PCCA: variants seen among roughly 807,000 people sequenced by gnomAD.
The protein encoded by PCCA is propionyl-CoA carboxylase alpha chain, mitochondrial.
PCCA carries 74 observed loss-of-function variants against 101.3 expected under a neutral mutation model. The observed-to-expected ratio is 0.73, with a 90% CI of 0.61 to 0.89. The LOEUF (loss-of-function observed/expected upper bound fraction) is 0.89. PCCA is among the 40% of genes least tolerant of loss of function. PCCA has a pLI of 0.00. For synonymous variants in PCCA, 294 were observed against 313.6 expected, an observed-to-expected ratio of 0.94 and a Z score of 0.66; for missense variants, 891 against 907.0, an observed-to-expected ratio of 0.98 and a Z score of 0.23.
chr13:100,470,752 G>A (rs764443334), intron 21 of PCCA, among the ~76,000 whole-genome samples: 2 of 152,150 alleles, frequency 1.3e-5, no homozygotes, highest in African/African-American at 2.4e-5. Context: ...CACTCTACTC[G>A]GGAGGCTGAG....
At chr13:100,184,195 G>A (rs1294141771) in intron 6 of PCCA, among the ~76,000 whole-genome samples, 4 of 152,114 alleles carry the variant, frequency 2.6e-5, no homozygotes, top group Non-Finnish European at 5.9e-5. Context: ...AACTATAGTA[G>A]TTATTGCTTC....
At position 100,491,829 on chromosome 13, in the gene PCCA, C is replaced by G. The variant is rs906438210; in HGVS notation, c.1900-23598C>G. The stretch of plus-strand genomic sequence containing the variant: ...TAAATATTTTGGTCCCTTTTTTTCT[C>G]TATTTTTTAAAATAAAAATATTTTA... On this transcript the variant is annotated intron_variant, in intron 21 of 23. Coordinates refer to ENST00000376285, the MANE Select transcript of PCCA (RefSeq NM_000282.4). 4 of 1,003,382 alleles carry G rather than the reference C, an allele frequency of 4.0e-6. No homozygotes were observed. In the African/African-American group the frequency reaches 6.9e-5, roughly 17 times the overall value. 62.2% of individuals were successfully genotyped at this position (1,003,382 alleles called of 1,614,324 possible).
chr13:100,242,805 T>C (rs2061223437), intron 8 of PCCA, among the ~76,000 whole-genome samples: 2 of 152,222 alleles, frequency 1.3e-5, no homozygotes, highest in Non-Finnish European at 2.9e-5. Flanking sequence ...TAAAATAGTA[T>C]AGGATTCTCT....
In PCCA at chr13:100,273,282, C is replaced by T; in HGVS notation, c.1001C>T (p.Thr334Ile). The part of the protein sequence containing the change: ...ARAVKYSSAG[T>I]VEFLVDSKKN... ...GCAGTAAAATATTCCTCTGCTGGGA[C>T]CGTGGAGTTCCTTGTGGACTCTAAG... Residue 334 changes from threonine to isoleucine, a missense_variant, in exon 12 of 24, where the codon ACC (threonine) becomes ATC (isoleucine). Physicochemically the swap from Thr to Ile is moderately conservative, Grantham distance 89 (BLOSUM62 -1). Transcript: ENST00000376285. The T allele has an allele frequency of 6.2e-7, 1 of 1,611,820 alleles. No homozygotes were observed. The highest frequency in any genetic ancestry group is 8.5e-7 in the Non-Finnish European group (1 of 1,177,980).
At chr13:100,234,288 C>T (rs1197070339) in intron 7 of PCCA, among the ~76,000 whole-genome samples, 1 of 152,098 alleles carries the variant, frequency 6.6e-6, no homozygotes, top group Non-Finnish European at 1.5e-5. Flanking sequence ...CTTAAATGAC[C>T]CTTTTCATGG....
chr13:100,258,936 AT>A (rs1323567091), intron 9 of PCCA, among the ~76,000 whole-genome samples: 1 of 152,116 alleles, frequency 6.6e-6, no homozygotes, highest in African/African-American at 2.4e-5. Flanking sequence ...TGCCTATTAG[AT>A]TTAATAATAC....
At chr13:100,238,337 C>T (rs550380435) in intron 8 of PCCA, among the ~76,000 whole-genome samples, 1 of 152,264 alleles carries the variant, frequency 6.6e-6, no homozygotes, top group East Asian at 1.9e-4. Flanking sequence ...TTTCCTCCCT[C>T]AATATTTTAA....
intron 20 of PCCA, among the ~76,000 whole-genome samples, chr13:100,448,689 AAATG>A (rs1281899983): frequency 6.6e-6 from 1 of 152,252 alleles, no homozygotes; most frequent in Non-Finnish European, 1.5e-5. Flanking sequence ...ATTTATAAAT[AAATG>A]AATAATAAAG....
At chr13:100,263,386 G>A (rs1013198403) in intron 10 of PCCA, among the ~76,000 whole-genome samples, 1 of 152,140 alleles carries the variant, frequency 6.6e-6, no homozygotes, top group Non-Finnish European at 1.5e-5. Flanking sequence ...ATATGTAATA[G>A]CTAAAATTGA....
intron 4 of PCCA, 86 bp downstream of exon 4, chr13:100,112,147 C>G (rs2048375606): frequency 3.3e-6 from 3 of 912,590 alleles, no homozygotes; most frequent in Non-Finnish European, 5.4e-6. Context: ...TTTTCTTGGC[C>G]TGCACAAGAT....
chr13:100,512,547 G>A (rs577384227), intron 21 of PCCA, among the ~76,000 whole-genome samples: 3 of 152,242 alleles, frequency 2.0e-5, no homozygotes, highest in African/African-American at 4.8e-5. Flanking sequence ...GAAGTTCCAC[G>A]CACTGACCAG....
At chr13:100,301,313 C>T in intron 12 of PCCA, 147 bp from the exon 13 acceptor site, 1 of 770,302 alleles carries the variant, frequency 1.3e-6, no homozygotes, top group Non-Finnish European at 2.2e-6. Context: ...TTTTATTCCC[C>T]TAGCTCAAGA....
chr13:100,478,490 G>A (rs931731030), intron 21 of PCCA, among the ~76,000 whole-genome samples: 6 of 152,156 alleles, frequency 3.9e-5, no homozygotes, highest in Non-Finnish European at 8.8e-5. Flanking sequence ...GGAGGTCCCC[G>A]ACTGAGAGGT....
intron 14 of PCCA, among the ~76,000 whole-genome samples, chr13:100,304,688 C>T (rs972454978): frequency 2.0e-5 from 3 of 152,124 alleles, no homozygotes; most frequent in Non-Finnish European, 2.9e-5. Flanking sequence ...TTGAGAATCT[C>T]GTACAGAGGT....
intron 6 of PCCA, among the ~76,000 whole-genome samples, chr13:100,170,123 A>G (rs980900227): frequency 6.6e-6 from 1 of 152,224 alleles, no homozygotes; most frequent in African/African-American, 2.4e-5. Context: ...TGTAGAAGGG[A>G]TGCTTTGAGA....
At chr13:100,103,315 C>A (rs2047441498) in intron 2 of PCCA, among the ~76,000 whole-genome samples, 3 of 144,240 alleles carry the variant, frequency 2.1e-5, no homozygotes, top group Non-Finnish European at 4.6e-5. Context: ...TTACTTAATA[C>A]TTTTTTTTTT....
intron 10 of PCCA, among the ~76,000 whole-genome samples, chr13:100,266,343 T>C (rs1173910298): frequency 6.6e-6 from 1 of 152,236 alleles, no homozygotes; most frequent in Non-Finnish European, 1.5e-5. Context: ...CTTTTTAGTT[T>C]ATTTTATTTA....
At chr13:100,474,466 CTCTG>C (rs781698283) in intron 21 of PCCA, among the ~76,000 whole-genome samples, 3,925 of 122,728 alleles carry the variant, frequency 0.032, 85 homozygotes, top group African/African-American at 0.066. Flanking sequence ...CTCTCTCTCT[CTCTG>C]TCTCTGTCTC....
At chr13:100,361,319 T>A (rs972342230) in intron 18 of PCCA, among the ~76,000 whole-genome samples, 5 of 152,138 alleles carry the variant, frequency 3.3e-5, no homozygotes, top group Admixed American at 3.3e-4. Flanking sequence ...GCTTATCAAT[T>A]GTAACAAATA....
Sources: gnomAD v4.1 joint callset for allele counts (sites outside exome capture counted in the v4.1 genomes callset) on GRCh38, gnomAD v4.1.1 for gene constraint, MANE v1.5 for transcripts, NCBI Gene and HGNC (gene_info 2026-07-23, HGNC 2026-07-21) for gene names.